Variants in VPS39 observed in about 807,000 individuals in gnomAD.
The protein encoded by VPS39 is vam6/Vps39-like protein.
VPS39 carries 70 observed loss-of-function variants against 121.0 expected under a neutral mutation model. That is an observed-to-expected ratio of 0.58 (90% confidence interval 0.48 to 0.71). The LOEUF (loss-of-function observed/expected upper bound fraction) is 0.71. Ranked by LOEUF, VPS39 falls within the 30% of genes least tolerant of loss-of-function variation. The pLI is 0.00. For missense variants in VPS39, 818 were observed against 1,051.5 expected (o/e 0.78, Z 3.07); for synonymous variants, 378 against 398.1 (o/e 0.95, Z 0.60).
chr15:42,201,149 T>A (rs905998784), intron 1 of VPS39, among the ~76,000 whole-genome samples: 3 of 150,844 alleles, frequency 2.0e-5, no homozygotes, highest in African/African-American at 5.0e-5. Flanking sequence ...GTGAATGTAC[T>A]AAAAACCATT....
At chr15:42,163,775 C>T (rs2049187784) in intron 19 of VPS39, 47 bp from the exon 20 acceptor site, 1 of 1,413,026 alleles carries the variant, frequency 7.1e-7, no homozygotes, top group African/African-American at 1.4e-5. Context: ...ATCACGCAAG[C>T]ACAAGGTGGG....
chr15:42,162,635 G>A, intron 21 of VPS39, 154 bp from the exon 22 acceptor site: 1 of 849,052 alleles, frequency 1.2e-6, no homozygotes, highest in Non-Finnish European at 1.7e-6. Context: ...AATTGGTAAG[G>A]TCAAACAGGC....
intron 8 of VPS39, 36 bp from the exon 9 acceptor site, chr15:42,178,606 C>G (rs2049508318): frequency 6.2e-7 from 1 of 1,610,432 alleles, no homozygotes; most frequent in African/African-American, 1.3e-5. Context: ...TTGTTCCGGT[C>G]TAAGGCTTTG....
intron 8 of VPS39, among the ~76,000 whole-genome samples, chr15:42,183,267 T>TG (rs2049625374): frequency 6.6e-6 from 1 of 151,672 alleles, no homozygotes. Context: ...TCAGCTAGTT[T>TG]TTTTTTTTTT....
chr15:42,200,089 T>C, intron 1 of VPS39, 128 bp from the exon 2 acceptor site: 2 of 878,884 alleles, frequency 2.3e-6, no homozygotes, highest in Non-Finnish European at 3.2e-6. Context: ...GTCAAGAAAA[T>C]GAGTTGCTTT....
At chr15:42,185,552 T>C (rs374621538) in intron 7 of VPS39, among the ~76,000 whole-genome samples, 2 of 152,160 alleles carry the variant, frequency 1.3e-5, no homozygotes, top group South Asian at 2.1e-4. Flanking sequence ...TATTCAGCCA[T>C]GAGAAAGAAT....
At chr15:42,178,957 T>C (rs1031802368) in intron 8 of VPS39, 1 of 179,436 alleles carries the variant, frequency 5.6e-6, no homozygotes, top group Non-Finnish European at 1.2e-5. Flanking sequence ...CAATGAGCCA[T>C]AACTGCACCA....
chr15:42,187,658 C>T, intron 6 of VPS39, 100 bp downstream of exon 6: 1 of 1,039,484 alleles, frequency 9.6e-7, no homozygotes, highest in Non-Finnish European at 1.5e-6. Context: ...CCAGAGTATT[C>T]ATTTGCGTAG....
intron 2 of VPS39, among the ~76,000 whole-genome samples, chr15:42,198,519 T>A (rs1457338177): frequency 2.0e-5 from 3 of 152,072 alleles, no homozygotes; most frequent in African/African-American, 4.8e-5. Flanking sequence ...TCCAGCTAAT[T>A]TTTTGTAGAC....
chr15:42,162,744 G>A (rs933025857), intron 21 of VPS39: 6 of 350,870 alleles, frequency 1.7e-5, no homozygotes, highest in African/African-American at 1.0e-4. Context: ...TGCTACCACT[G>A]TAAAACAATT....
At chr15:42,180,994 T>C (rs1006588675) in intron 8 of VPS39, among the ~76,000 whole-genome samples, 1 of 152,164 alleles carries the variant, frequency 6.6e-6, no homozygotes, top group African/African-American at 2.4e-5. Flanking sequence ...AATCACCATA[T>C]GGTCCAGGAA....
intron 2 of VPS39, among the ~76,000 whole-genome samples, chr15:42,192,717 T>C (rs1005021090): frequency 6.6e-6 from 1 of 152,210 alleles, no homozygotes; most frequent in Non-Finnish European, 1.5e-5. Flanking sequence ...AGACACTTCC[T>C]ACACTTGAAA....
At chr15:42,196,144 T>C (rs1179084902) in intron 2 of VPS39, among the ~76,000 whole-genome samples, 2 of 152,112 alleles carry the variant, frequency 1.3e-5, no homozygotes, top group African/African-American at 4.8e-5. Context: ...CTGGATCCCT[T>C]CCTTACACCT....
intron 2 of VPS39, among the ~76,000 whole-genome samples, chr15:42,197,123 A>G (rs1416123816): frequency 6.9e-6 from 1 of 143,992 alleles, no homozygotes; most frequent in East Asian, 2.1e-4. Flanking sequence ...GGAATTGAAC[A>G]ATGAGAACAC....
At chr15:42,168,869 C>T (rs1034004592) in intron 12 of VPS39, among the ~76,000 whole-genome samples, 3 of 152,134 alleles carry the variant, frequency 2.0e-5, no homozygotes, top group Non-Finnish European at 4.4e-5. Flanking sequence ...AGTGCCTACC[C>T]TAGAGCATTC....
At chr15:42,182,040 T>TTTCC in intron 8 of VPS39, among the ~76,000 whole-genome samples, 1 of 152,328 alleles carries the variant, frequency 6.6e-6, no homozygotes, top group Non-Finnish European at 1.5e-5. Flanking sequence ...ATAAAAAGTT[T>TTTCC]TTCCTATTAT....
At chr15:42,197,359 A>G (rs2049963718) in intron 2 of VPS39, among the ~76,000 whole-genome samples, 1 of 151,710 alleles carries the variant, frequency 6.6e-6, no homozygotes, top group African/African-American at 2.4e-5. Flanking sequence ...TAAAAAAAAA[A>G]AAAGAAAAAA....
rs139531409 is a variant in VPS39 at position 42,203,080 on chromosome 15, G to T, written c.74-3119C>A. 8.8e-3 allele frequency among the ~76,000 whole-genome samples: 1,339 copies of T among 152,030 alleles called. 17 individuals are homozygous for T. The highest frequency in any genetic ancestry group is 0.031 in the African/African-American group (1,273 of 41,472). On this transcript the variant is annotated intron_variant, in intron 1 of 24. Coordinates refer to ENST00000318006, the MANE Select transcript of VPS39 (RefSeq NM_015289.5). Reference sequence around the variant, plus strand: ...CATTTTAAAAAGTCAAATGTCTAGGGGCCGGGCACGGAGGCCGAAGTGGGC... The same window carrying T: ...CATTTTAAAAAGTCAAATGTCTAGGTGCCGGGCACGGAGGCCGAAGTGGGC...
chr15:42,193,298 C>T lies in VPS39; in HGVS notation c.140-1738G>A, dbSNP rs183991917. On this transcript the variant is annotated intron_variant, in intron 2 of 24. Coordinates refer to ENST00000318006, the MANE Select transcript of VPS39 (RefSeq NM_015289.5). ...CCCCATAAGTAAGAACCCACATCTG[C>T]TTCTGCATTTAATCTGTTTTGATAA... is the stretch of plus-strand genomic sequence containing the variant. 2.5e-3 allele frequency among the ~76,000 whole-genome samples: 376 copies of T among 152,246 alleles called. 3 individuals are homozygous for T. Among genetic ancestry groups the T allele is most frequent in the African/African-American group, 7.7e-3 (319 of 41,542 alleles).
Sources: allele counts gnomAD v4.1 joint callset (sites outside exome capture counted in the v4.1 genomes callset), GRCh38; gene constraint gnomAD v4.1.1; transcripts MANE v1.5; gene names NCBI Gene and HGNC (gene_info 2026-07-23, HGNC 2026-07-21).